The following FLT1 variants were observed in gnomAD, a reference collection of about 807,000 sequenced individuals.
FLT1 encodes vascular endothelial growth factor receptor 1.
A neutral mutation model predicts 156.3 loss-of-function variants in FLT1; 49 were observed. The ratio of observed to expected loss-of-function variants is 0.31; its 90% CI spans 0.25 to 0.40. The LOEUF (loss-of-function observed/expected upper bound fraction) is 0.40, where lower values mean the gene tolerates loss of function less well. Ranked by LOEUF, FLT1 falls within the 10% of genes least tolerant of loss-of-function variation. The pLI is 1.00. For synonymous variants in FLT1, 594 were observed against 583.8 expected (o/e 1.02, Z -0.25); for missense variants, 1,322 against 1,637.2 (o/e 0.81, Z 3.32).
chr13:28,329,544 C>T, intron 19 of FLT1, 71 bp downstream of exon 19: 1 of 1,092,398 alleles, frequency 9.2e-7, no homozygotes. Flanking sequence ...GGAGAAGGAG[C>T]TGTAAGGCAG....
chr13:28,416,774 T>C (rs1296695417), intron 10 of FLT1, among the ~76,000 whole-genome samples: 1 of 152,228 alleles, frequency 6.6e-6, no homozygotes, highest in Admixed American at 6.5e-5. Flanking sequence ...TACCAATTTT[T>C]GTTTTCCTCA....
intron 14 of FLT1, among the ~76,000 whole-genome samples, chr13:28,377,370 G>T (rs8002218): frequency 0.45 from 67,709 of 151,470 alleles, 16,321 homozygotes; most frequent in East Asian, 0.6. Flanking sequence ...AGCACAAAGG[G>T]TGTATCTTTT....
intron 11 of FLT1, among the ~76,000 whole-genome samples, chr13:28,398,171 GAA>G (rs1212203841): frequency 6.6e-6 from 1 of 152,166 alleles, no homozygotes; most frequent in Non-Finnish European, 1.5e-5. Flanking sequence ...TTATGGAAAA[GAA>G]AAGTTAGTCC....
At chr13:28,492,255 CTTAG>C (rs142022291) in intron 1 of FLT1, among the ~76,000 whole-genome samples, 385 of 152,200 alleles carry the variant, frequency 2.5e-3, no homozygotes, top group African/African-American at 8.9e-3. Flanking sequence ...AGTATTTCCA[CTTAG>C]TTATAGTAAA....
At position 28,435,888 on chromosome 13, in the gene FLT1, C is replaced by T. The variant is rs191251147; in HGVS notation, c.514-1668G>A. Among the ~76,000 whole-genome samples, 12 of 152,286 alleles carry T rather than the reference C, an allele frequency of 7.9e-5. 1 individual carries two copies. Among genetic ancestry groups the T allele is most frequent in the African/African-American group, 2.9e-4 (12 of 41,542 alleles). ...AATGCAGTCGGTGGGAAAAAAAGAA[C>T]CTTCTCTTCTAATTTAGTGCAAGCA... On this transcript the variant is annotated intron_variant, in intron 4 of 29. Transcript: ENST00000282397.
At chr13:28,328,326 C>T (rs998961887) in intron 19 of FLT1, 1 of 152,274 alleles carries the variant, frequency 6.6e-6, no homozygotes. Flanking sequence ...CTGAAGGAAG[C>T]AAGAGGGTTG....
At position 28,485,761 on chromosome 13, in the gene FLT1, C is replaced by T. The variant is rs896900112; in HGVS notation, c.64+9019G>A. 3.3e-5 allele frequency among the ~76,000 whole-genome samples: 5 copies of T among 152,276 alleles called. No homozygotes were observed. The South Asian group carries it at 1.0e-3, about 32-fold the overall frequency. ...GTTCCAAAGCCTAAGCCTCAATATGCCTTGCAGCTTCCACCATCACACTCT... is the reference window on the plus strand; with the variant it reads ...GTTCCAAAGCCTAAGCCTCAATATGTCTTGCAGCTTCCACCATCACACTCT... On this transcript the variant is annotated intron_variant, in intron 1 of 29. Coordinates refer to ENST00000282397, the MANE Select transcript of FLT1 (RefSeq NM_002019.4).
chr13:28,392,573 A>G (rs1874805311), intron 12 of FLT1, among the ~76,000 whole-genome samples: 1 of 152,270 alleles, frequency 6.6e-6, no homozygotes, highest in African/African-American at 2.4e-5. Context: ...GAGAGTTTCT[A>G]TTTACTTTAG....
At chr13:28,319,305 T>A (rs1871340866) in intron 24 of FLT1, 118 bp downstream of exon 24, 2 of 719,046 alleles carry the variant, frequency 2.8e-6, no homozygotes, top group Non-Finnish European at 5.0e-6. Context: ...CATTACACTT[T>A]AAGAGTTTTT....
chr13:28,355,014 T>C (rs1872849467), intron 15 of FLT1, among the ~76,000 whole-genome samples: 1 of 152,104 alleles, frequency 6.6e-6, no homozygotes, highest in Non-Finnish European at 1.5e-5. Flanking sequence ...GCATAGGAAG[T>C]CTAGAGGCAT....
chr13:28,466,074 C>T (rs1488053748), intron 3 of FLT1, among the ~76,000 whole-genome samples: 1 of 151,888 alleles, frequency 6.6e-6, no homozygotes, highest in Non-Finnish European at 1.5e-5. Flanking sequence ...TGTGTGTGTG[C>T]GTTTTTTTCT....
intron 15 of FLT1, among the ~76,000 whole-genome samples, chr13:28,348,673 C>T (rs575557180): frequency 6.6e-6 from 1 of 152,042 alleles, no homozygotes; most frequent in Non-Finnish European, 1.5e-5. Context: ...ACTTTGGGAG[C>T]CCGAGGTAGG....
chr13:28,368,581 TGATGATGATGATGATGAC>T (rs1873402739), intron 14 of FLT1: 4 of 1,324,514 alleles, frequency 3.0e-6, no homozygotes, highest in Non-Finnish European at 4.1e-6. Context: ...ATGATAGCTA[TGATGATGATGATGATGAC>T]GATGATGATG....
chr13:28,405,756 A>C, intron 11 of FLT1, 24 bp downstream of exon 11: 1 of 1,174,054 alleles, frequency 8.5e-7, no homozygotes. Context: ...TAAATATCCC[A>C]GTGCGCATTT....
intron 1 of FLT1, among the ~76,000 whole-genome samples, chr13:28,477,288 C>G (rs773524516): frequency 2.6e-5 from 4 of 152,294 alleles, no homozygotes; most frequent in Admixed American, 6.5e-5. Flanking sequence ...TATAGCCATG[C>G]ACAACTCCTT....
At chr13:28,308,989 G>A in intron 27 of FLT1, 62 bp from the exon 28 acceptor site, 1 of 922,234 alleles carries the variant, frequency 1.1e-6, no homozygotes, top group Non-Finnish European at 1.8e-6. Context: ...AATGAGTCAG[G>A]AGACCACAGG....
chr13:28,481,454 C>T (rs1364477116), intron 1 of FLT1, among the ~76,000 whole-genome samples: 1 of 150,484 alleles, frequency 6.6e-6, no homozygotes, highest in African/African-American at 2.5e-5. Flanking sequence ...CACACACACA[C>T]ACACACACAC....
intron 11 of FLT1, chr13:28,399,161 T>A: frequency 7.2e-7 from 1 of 1,391,028 alleles, no homozygotes; most frequent in Non-Finnish European, 1.0e-6. Flanking sequence ...CTGACTCCCT[T>A]ACATTGTCTC....
intron 14 of FLT1, among the ~76,000 whole-genome samples, chr13:28,380,549 A>T (rs529769425): frequency 6.6e-6 from 1 of 152,352 alleles, no homozygotes; most frequent in African/African-American, 2.4e-5. Flanking sequence ...GCTGAACTTA[A>T]TAAGTGCTAA....
Sources: gnomAD v4.1 joint callset for allele counts (sites outside exome capture counted in the v4.1 genomes callset) on GRCh38, gnomAD v4.1.1 for gene constraint, MANE v1.5 for transcripts, NCBI Gene and HGNC (gene_info 2026-07-23, HGNC 2026-07-21) for gene names.